EXOC6: variants seen among roughly 807,000 people sequenced by gnomAD.
The protein encoded by EXOC6 is exocyst complex component 6.
A neutral mutation model predicts 112.5 loss-of-function variants in EXOC6; 60 were observed. That is an observed-to-expected ratio of 0.53 (90% CI 0.43 to 0.66). The LOEUF is 0.66. Among genes scored for constraint, EXOC6 ranks in the 30% least tolerant of loss-of-function variants. The pLI, the probability that EXOC6 is intolerant of heterozygous loss-of-function variation, is 0.00. For synonymous variants in EXOC6, 295 were observed against 308.0 expected, an observed-to-expected ratio of 0.96 and a Z score of 0.44; for missense variants, 855 against 957.1, an observed-to-expected ratio of 0.89 and a Z score of 1.41.
chr10:93,002,818 A>G (rs1280259598), intron 19 of EXOC6, among the ~76,000 whole-genome samples: 1 of 152,234 alleles, frequency 6.6e-6, no homozygotes, highest in Non-Finnish European at 1.5e-5. Context: ...TAAGAAAATG[A>G]CATTACTCGG....
At chr10:92,840,889 C>G (rs989185701) in intron 1 of EXOC6, among the ~76,000 whole-genome samples, 1 of 152,068 alleles carries the variant, frequency 6.6e-6, no homozygotes, top group Non-Finnish European at 1.5e-5. Context: ...AACTTCTGAA[C>G]TCCAGAAATC....
upstream of EXOC6, among the ~76,000 whole-genome samples, chr10:92,830,305 G>A (rs1211753648): frequency 6.6e-6 from 1 of 152,132 alleles, no homozygotes; most frequent in African/African-American, 2.4e-5. Context: ...AGAAAGGTGA[G>A]CGACTGATGC....
At chr10:92,885,807 C>T (rs1193892228) in intron 1 of EXOC6, among the ~76,000 whole-genome samples, 1 of 151,966 alleles carries the variant, frequency 6.6e-6, no homozygotes, top group Non-Finnish European at 1.5e-5. Context: ...CTCTTTTTTA[C>T]TTTTAAACAA....
chr10:92,934,375 A>T lies in EXOC6; in HGVS notation c.1085A>T (p.Asp362Val), dbSNP rs139811634. 2.5e-5 allele frequency: 40 copies of T among 1,604,646 alleles called. No homozygotes were observed. Among genetic ancestry groups the T allele is most frequent in the Non-Finnish European group, 3.1e-5 (36 of 1,176,120 alleles). The change falls in exon 11 of 22, where the codon GAT becomes GTT. Residue 362 changes from aspartate to valine, a missense_variant. Asp to Val is a radical substitution (Grantham distance 152, BLOSUM62 -3). Transcript: ENST00000260762. ...GGATTAGTAACCAGGGCATACACTGATGAACTTTGGAACATGGCCCTCTCA... is the reference window on the plus strand; with the variant it reads ...GGATTAGTAACCAGGGCATACACTGTTGAACTTTGGAACATGGCCCTCTCA... ...TQGLVTRAYT[D>V]ELWNMALSKI...
chr10:92,966,542 G>T (rs1293424475), intron 17 of EXOC6, among the ~76,000 whole-genome samples: 2 of 148,822 alleles, frequency 1.3e-5, no homozygotes, highest in Non-Finnish European at 3.0e-5. Context: ...GCAGTGTTTG[G>T]TTTTTTGGTC....
intron 17 of EXOC6, among the ~76,000 whole-genome samples, chr10:92,960,592 C>CAAAA (rs56016433): frequency 1.8e-5 from 2 of 112,990 alleles, no homozygotes; most frequent in African/African-American, 3.0e-5. Flanking sequence ...ATTTAAATTG[C>CAAAA]AAAAAAAAAA....
intron 8 of EXOC6, among the ~76,000 whole-genome samples, chr10:92,923,745 T>G (rs1252753218): frequency 6.6e-6 from 1 of 152,172 alleles, no homozygotes; most frequent in African/African-American, 2.4e-5. Flanking sequence ...ATCACATAGA[T>G]GAACTCAGGT....
At chr10:93,036,994 A>G (rs1006929889) in intron 20 of EXOC6, among the ~76,000 whole-genome samples, 5 of 152,190 alleles carry the variant, frequency 3.3e-5, no homozygotes, top group Non-Finnish European at 4.4e-5. Context: ...TTTGTCAACT[A>G]TGGAGGGTAG....
intron 18 of EXOC6, among the ~76,000 whole-genome samples, chr10:92,984,610 C>G (rs952856783): frequency 2.0e-5 from 3 of 152,190 alleles, no homozygotes; most frequent in Middle Eastern, 3.4e-3. Context: ...TTTAATAACT[C>G]TCCCACAAAA....
upstream of EXOC6, among the ~76,000 whole-genome samples, chr10:92,830,934 T>A (rs1846464412): frequency 6.6e-6 from 1 of 152,196 alleles, no homozygotes. Flanking sequence ...CTTCCTCCTT[T>A]TCTTTTCCTC....
intron 5 of EXOC6, chr10:92,901,928 A>G (rs990225674): frequency 5.3e-5 from 8 of 151,328 alleles, no homozygotes; most frequent in African/African-American, 1.9e-4. Context: ...AGGCAGGAGG[A>G]TCTCTTGAGA....
At chr10:92,869,616 C>T (rs576961135) in intron 1 of EXOC6, among the ~76,000 whole-genome samples, 1 of 152,194 alleles carries the variant, frequency 6.6e-6, no homozygotes, top group East Asian at 1.9e-4. Context: ...AGACAGGGGC[C>T]TTACATTGTC....
At chr10:92,931,245 TGAA>T (rs1443135343) in intron 9 of EXOC6, among the ~76,000 whole-genome samples, 4 of 151,626 alleles carry the variant, frequency 2.6e-5, no homozygotes, top group Non-Finnish European at 4.4e-5. Context: ...ACTCAGTAAT[TGAA>T]GACCAATAAA....
At chr10:93,010,515 A>G (rs1185904544) in intron 19 of EXOC6, among the ~76,000 whole-genome samples, 1 of 152,048 alleles carries the variant, frequency 6.6e-6, no homozygotes, top group Non-Finnish European at 1.5e-5. Flanking sequence ...GCTGGCCAAC[A>G]TGGTGAAACC....
chr10:92,828,698 G>C (rs1197080921), intron 1 of EXOC6, among the ~76,000 whole-genome samples: 1 of 46,708 alleles, frequency 2.1e-5, no homozygotes. Flanking sequence ...GTCTGTGTGT[G>C]TGTGTGTGTG....
intron 20 of EXOC6, among the ~76,000 whole-genome samples, chr10:93,034,766 T>A (rs1845435238): frequency 6.6e-6 from 1 of 152,366 alleles, no homozygotes; most frequent in East Asian, 1.9e-4. Context: ...ATTTCCACTA[T>A]AATTAAACAA....
rs1418900605 is a variant in EXOC6, at chr10:93,059,097, G to A, written c.*742G>A. On this transcript the variant is annotated 3_prime_UTR_variant, in exon 22 of 22. Coordinates refer to ENST00000260762, the MANE Select transcript of EXOC6 (RefSeq NM_019053.6). ...TTGGTTCCAGTTAAAAGAGAGGACA[G>A]GAACTAAATGGGGCTAACCACTTCA... The A allele has an allele frequency of 6.6e-6, 1 of 152,200 alleles. No individual in the cohort carries two copies. Among genetic ancestry groups the A allele is most frequent in the Non-Finnish European group, 1.5e-5 (1 of 68,046 alleles). The allele number at this position is 152,200 out of a possible 1,614,324, so 9.4% of individuals were successfully genotyped here.
chr10:92,848,733 C>G (rs2133614329), intron 1 of EXOC6, 99 bp downstream of exon 1: 9 of 997,112 alleles, frequency 9.0e-6, no homozygotes, highest in Non-Finnish European at 1.1e-5. Context: ...GCGCGAAGCT[C>G]CCCGACAGGT....
chr10:92,890,325 G>C (rs369410328), intron 1 of EXOC6, among the ~76,000 whole-genome samples: 1 of 152,278 alleles, frequency 6.6e-6, no homozygotes, highest in East Asian at 1.9e-4. Flanking sequence ...CTGATACTTA[G>C]AGAATTCAGG....
Sources: allele counts gnomAD v4.1 joint callset (sites outside exome capture counted in the v4.1 genomes callset), GRCh38; gene constraint gnomAD v4.1.1; transcripts MANE v1.5; gene names NCBI Gene and HGNC (gene_info 2026-07-23, HGNC 2026-07-21).